FNBP1: variants seen among roughly 807,000 people sequenced by gnomAD.
FNBP1 encodes the protein formin binding protein 1.
In FNBP1, 26 loss-of-function variants were observed where a neutral mutation model predicts 90.6. That is an observed-to-expected ratio of 0.29 (90% confidence interval 0.21 to 0.40). The LOEUF (loss-of-function observed/expected upper bound fraction) is 0.40, where lower values mean the gene tolerates loss of function less well. Among genes scored for constraint, FNBP1 ranks in the 10% least tolerant of loss-of-function variants. The pLI, the probability that FNBP1 is intolerant of heterozygous loss-of-function variation, is 1.00. For missense variants in FNBP1, 635 were observed against 768.0 expected (o/e 0.83, Z 2.05); for synonymous variants, 260 against 265.2 (o/e 0.98, Z 0.19).
chr9:129,985,230 T>C (rs533546492), intron 2 of FNBP1, among the ~76,000 whole-genome samples: 40 of 152,286 alleles, frequency 2.6e-4, no homozygotes, highest in South Asian at 6.2e-4. Context: ...AACACTCACC[T>C]ACACTCCATC....
rs2035021912 is a variant in FNBP1, at chr9:129,890,714, C to T, written c.1847-168G>A. On this transcript the variant is annotated intron_variant, in intron 16 of 16. Transcript: ENST00000446176. The surrounding 1 kb of genome is among the most constrained non-coding windows in gnomAD (Gnocchi z 5.8). Reference sequence around the variant, plus strand: ...CTTAGAGCAATCGGTTACCACAGGGCGGGTCTGAGATGAGGAACTTTCACG... The same window carrying T: ...CTTAGAGCAATCGGTTACCACAGGGTGGGTCTGAGATGAGGAACTTTCACG... 1.3e-5 allele frequency among the ~76,000 whole-genome samples: 2 copies of T among 152,234 alleles called. No homozygotes were observed. The highest frequency in any genetic ancestry group is 3.4e-3 in the Middle Eastern group (1 of 294).
intron 4 of FNBP1, among the ~76,000 whole-genome samples, chr9:129,972,728 C>T (rs187627359): frequency 3.9e-5 from 6 of 152,078 alleles, no homozygotes; most frequent in Non-Finnish European, 7.4e-5. Flanking sequence ...GACAGGGTTT[C>T]GCCATGTTGG....
At chr9:129,986,487 GA>G (rs1236543947) in intron 2 of FNBP1, among the ~76,000 whole-genome samples, 1 of 150,516 alleles carries the variant, frequency 6.6e-6, no homozygotes, top group Non-Finnish European at 1.5e-5. Flanking sequence ...AAAACAATCA[GA>G]AAAAAAAAGG....
intron 1 of FNBP1, among the ~76,000 whole-genome samples, chr9:130,022,228 C>CG (rs1217153458): frequency 6.7e-6 from 1 of 148,666 alleles, no homozygotes; most frequent in South Asian, 2.1e-4. Flanking sequence ...TTTTTTGAGA[C>CG]GGAGTCTCAC....
chr9:129,905,151 T>A (rs1448151805), intron 12 of FNBP1, among the ~76,000 whole-genome samples: 1 of 151,778 alleles, frequency 6.6e-6, no homozygotes, highest in African/African-American at 2.4e-5. Flanking sequence ...GCAAAAGCCC[T>A]CAACAGAGTT....
intron 6 of FNBP1, among the ~76,000 whole-genome samples, chr9:129,931,231 G>A (rs868784611): frequency 1.3e-5 from 2 of 152,130 alleles, no homozygotes; most frequent in Admixed American, 6.6e-5. Flanking sequence ...GGGAGGCTGA[G>A]GCTGCAGTGA....
At chr9:130,049,897 A>T in the FNBP1 span, among the ~76,000 whole-genome samples, 34 of 151,850 alleles carry the variant, frequency 2.2e-4, no homozygotes, top group African/African-American at 8.2e-4. Context: ...TTTTGTTTTT[A>T]GAGAGGTCTT....
intron 1 of FNBP1, among the ~76,000 whole-genome samples, chr9:130,012,773 G>A (rs1252187731): frequency 6.6e-6 from 1 of 152,110 alleles, no homozygotes. Flanking sequence ...CCAAGTAGCT[G>A]AGAATACAGG....
intron 10 of FNBP1, among the ~76,000 whole-genome samples, chr9:129,917,220 G>A (rs763368043): frequency 3.3e-5 from 5 of 151,940 alleles, no homozygotes; most frequent in Non-Finnish European, 5.9e-5. Flanking sequence ...CGCCTTGTTG[G>A]TCAGGCTGGT....
chr9:130,051,632 T>C, the FNBP1 span, among the ~76,000 whole-genome samples: 15 of 152,092 alleles, frequency 9.9e-5, no homozygotes, highest in African/African-American at 3.6e-4. Flanking sequence ...CTGGCCAACA[T>C]GGTGAAACCC....
intron 10 of FNBP1, among the ~76,000 whole-genome samples, chr9:129,921,604 G>T (rs1236468765): frequency 6.6e-6 from 1 of 151,966 alleles, no homozygotes; most frequent in Non-Finnish European, 1.5e-5. Context: ...GTACAGACGG[G>T]GTTTCACCAT....
At chr9:130,049,736 A>C in the FNBP1 span, among the ~76,000 whole-genome samples, 1 of 152,100 alleles carries the variant, frequency 6.6e-6, no homozygotes, top group Admixed American at 6.6e-5. Context: ...AATTAAAAGA[A>C]AGAATACGTA....
chr9:129,981,041 A>C (rs2051159061), intron 2 of FNBP1, among the ~76,000 whole-genome samples: 3 of 86,782 alleles, frequency 3.5e-5, no homozygotes, highest in East Asian at 7.0e-4. Context: ...ACAGAGCGAG[A>C]CTCCGTCTCA....
upstream of FNBP1, among the ~76,000 whole-genome samples, chr9:130,047,298 G>C (rs907182094): frequency 5.9e-5 from 9 of 152,182 alleles, no homozygotes; most frequent in Non-Finnish European, 1.0e-4. Context: ...GGTCACAAAA[G>C]TCCCCTATGT....
intron 4 of FNBP1, among the ~76,000 whole-genome samples, chr9:129,965,784 A>AG (rs1332538392): frequency 4.5e-5 from 6 of 134,120 alleles, no homozygotes; most frequent in Non-Finnish European, 7.9e-5. Flanking sequence ...AAGGGAGGGA[A>AG]GGAGGGAGGG....
At chr9:129,958,607 C>G in intron 4 of FNBP1, 54 bp from the exon 5 acceptor site, 1 of 1,382,050 alleles carries the variant, frequency 7.2e-7, no homozygotes, top group African/African-American at 1.4e-5. Flanking sequence ...TCTTATGAAC[C>G]CAGGAGGAAA....
intron 1 of FNBP1, among the ~76,000 whole-genome samples, chr9:130,037,938 T>C (rs898824810): frequency 6.6e-6 from 1 of 152,146 alleles, no homozygotes; most frequent in Non-Finnish European, 1.5e-5. Context: ...CCCAGTACAG[T>C]TGGTAGACAA....
rs1487881999 is a variant in FNBP1, at chr9:129,984,803, C to T, written c.141-5429G>A. Among the ~76,000 whole-genome samples, 3 of 152,140 alleles carry T rather than the reference C, an allele frequency of 2.0e-5. No individual in the cohort carries two copies. The South Asian group carries it at 6.2e-4, about 31-fold the overall frequency. On this transcript the variant is annotated intron_variant, in intron 2 of 16. Transcript: ENST00000446176. ...GTCTCACAAGATCTGACAGGTTTAT[C>T]AGGGGTTTCCGATTTTGCTTCTTCC...
intron 6 of FNBP1, among the ~76,000 whole-genome samples, chr9:129,934,065 C>T (rs1273877839): frequency 6.6e-6 from 1 of 152,142 alleles, no homozygotes; most frequent in Non-Finnish European, 1.5e-5. Flanking sequence ...TTTTGGAGAA[C>T]TTATTTGGGA....
Sources: gnomAD v4.1 joint callset for allele counts (sites outside exome capture counted in the v4.1 genomes callset) on GRCh38, gnomAD v4.1.1 for gene constraint, Gnocchi (gnomAD v3.1) non-coding constraint, MANE v1.5 for transcripts, NCBI Gene and HGNC (gene_info 2026-07-23, HGNC 2026-07-21) for gene names.